NELL2: variants seen among roughly 807,000 people sequenced by gnomAD.
The protein encoded by NELL2 is protein kinase C-binding protein NELL2.
In NELL2, 41 loss-of-function variants were observed where a neutral mutation model predicts 109.6. The ratio of observed to expected loss-of-function variants is 0.37; its 90% CI spans 0.29 to 0.49. The LOEUF is 0.49. Ranked by LOEUF, NELL2 falls within the 20% of genes least tolerant of loss-of-function variation. The pLI is 0.98. For synonymous variants in NELL2, 355 were observed against 344.7 expected, an observed-to-expected ratio of 1.03 and a Z score of -0.33; for missense variants, 900 against 1,008.3, an observed-to-expected ratio of 0.89 and a Z score of 1.45.
chr12:44,617,670 C>A (rs1435779981), intron 13 of NELL2, among the ~76,000 whole-genome samples: 2 of 65,254 alleles, frequency 3.1e-5, no homozygotes, highest in East Asian at 4.0e-4. Flanking sequence ...CCAGCCTGGG[C>A]GACAGAGCGA....
rs772557808 is a variant in NELL2, at chr12:44,532,545, A to G, written c.1804+36T>C. ...ATGATATATTCCTCAAGTTCAAGAG[A>G]AGTTCTTAAATTCTAGGTCTTCTCC... On this transcript the variant is annotated intron_variant, in intron 16 of 19. Transcript: ENST00000429094. The G allele has an allele frequency of 2.5e-6, 4 of 1,593,658 alleles. No homozygotes were observed. The East Asian group carries it at 9.0e-5, about 36-fold the overall frequency.
intron 9 of NELL2, among the ~76,000 whole-genome samples, chr12:44,763,197 C>G (rs1941196043): frequency 6.6e-6 from 1 of 152,154 alleles, no homozygotes; most frequent in Non-Finnish European, 1.5e-5. Flanking sequence ...CCAGCCCACT[C>G]CCTCCCTTCT....
intron 15 of NELL2, among the ~76,000 whole-genome samples, chr12:44,606,390 G>A (rs1012208223): frequency 3.3e-5 from 5 of 152,084 alleles, no homozygotes; most frequent in Admixed American, 1.3e-4. Context: ...TCAATTGCCA[G>A]TGGCAGAAGC....
chr12:44,552,820 A>G (rs561842594), intron 15 of NELL2, among the ~76,000 whole-genome samples: 1 of 152,136 alleles, frequency 6.6e-6, no homozygotes, highest in African/African-American at 2.4e-5. Context: ...TGACTTTCAA[A>G]TTTTATTTTT....
chr12:44,904,953 C>T (rs1408496703), intron 1 of NELL2, among the ~76,000 whole-genome samples: 2 of 151,956 alleles, frequency 1.3e-5, no homozygotes, highest in East Asian at 3.9e-4. Flanking sequence ...GGGCATTGTC[C>T]AGTGAGAGTT....
rs561599694 is a variant in NELL2 at position 44,630,009 on chromosome 12, C to T, written c.1445-19039G>A. 3.3e-5 allele frequency among the ~76,000 whole-genome samples: 5 copies of T among 152,208 alleles called. No individual in the cohort carries two copies. In the East Asian group the frequency reaches 5.8e-4, roughly 18 times the overall value. ...ACTTTGTCCTCTATTACTAATAGCC[C>T]TATTAATCATGTTGAGGTGTTTCAT... On this transcript the variant is annotated intron_variant, in intron 13 of 19. Transcript: ENST00000429094.
intron 3 of NELL2, among the ~76,000 whole-genome samples, chr12:44,813,489 A>G (rs903359499): frequency 2.6e-5 from 4 of 152,176 alleles, no homozygotes; most frequent in African/African-American, 9.7e-5. Context: ...AAATTTCAGA[A>G]ATAATATAAA....
chr12:44,601,071 A>C (rs1235409410), intron 15 of NELL2, among the ~76,000 whole-genome samples: 1 of 152,298 alleles, frequency 6.6e-6, no homozygotes, highest in East Asian at 1.9e-4. Context: ...ATAAAACTGA[A>C]GATCTTATCC....
intron 19 of NELL2, among the ~76,000 whole-genome samples, chr12:44,509,676 G>T (rs1281363882): frequency 6.6e-6 from 1 of 152,198 alleles, no homozygotes; most frequent in Non-Finnish European, 1.5e-5. Context: ...TGGAATGTGA[G>T]AAATGAATTT....
At position 44,816,033 on chromosome 12, in the gene NELL2, G is replaced by A. The variant is rs1197503074; in HGVS notation, c.288C>T (p.Thr96=). ...EFTILVTLKQ[T]HLNSGVILSI... is the part of the protein sequence containing the mutation. Reference sequence around the variant, plus strand: ...AGAGAATAACTCCTGAATTTAAGTGGGTCTGTTTTAGGGTCACCAAAATAG... The same window carrying A: ...AGAGAATAACTCCTGAATTTAAGTGAGTCTGTTTTAGGGTCACCAAAATAG... The change falls in exon 3 of 20, where the codon ACC becomes ACT. Residue 96 remains threonine, a synonymous_variant. Coordinates refer to ENST00000429094, the MANE Select transcript of NELL2 (RefSeq NM_001145108.2). The A allele has an allele frequency of 6.2e-7, 1 of 1,612,498 alleles. No homozygotes were observed. Among genetic ancestry groups the A allele is most frequent in the South Asian group, 1.1e-5 (1 of 90,538 alleles).
intron 15 of NELL2, among the ~76,000 whole-genome samples, chr12:44,539,717 T>G (rs1942462437): frequency 6.6e-6 from 1 of 152,202 alleles, no homozygotes; most frequent in South Asian, 2.1e-4. Context: ...TGAAAATAGT[T>G]TTTATAAATA....
At chr12:44,845,991 A>C (rs1220386032) in intron 2 of NELL2, among the ~76,000 whole-genome samples, 1 of 152,214 alleles carries the variant, frequency 6.6e-6, no homozygotes, top group Non-Finnish European at 1.5e-5. Context: ...TTTACTCCAC[A>C]CTATGGCAGT....
rs748058569 is a variant in NELL2 at position 44,779,765 on chromosome 12, A to G, written c.510-6T>C. 22 of 1,613,758 alleles carry G rather than the reference A, an allele frequency of 1.4e-5. No individual in the cohort carries two copies. The highest frequency in any genetic ancestry group is 1.9e-5 in the Non-Finnish European group (22 of 1,179,810). On this transcript the variant is annotated splice_polypyrimidine_tract_variant and splice_region_variant and intron_variant, in intron 4 of 19. Transcript: ENST00000429094. ...CTACTACCCTTTCATAAATTCTGCA[A>G]AAAAGAAACATCAAAGAAGGAACGT...
At position 44,528,097 on chromosome 12, in the gene NELL2, C is replaced by CAAAAAAAAAAA. The variant is rs71093812; in HGVS notation, c.1804+4473_1804+4483dup. Among the ~76,000 whole-genome samples, 22 of 22,000 alleles carry CAAAAAAAAAAA rather than the reference C, an allele frequency of 1.0e-3. 1 individual carries two copies. The highest frequency in any genetic ancestry group is 1.8e-3 in the African/African-American group (11 of 6,104). 14.4% of individuals were successfully genotyped at this position (22,000 alleles called of 152,430 possible). A position where few individuals can be genotyped will look rare whatever the true frequency, so the allele number is the denominator to read the frequency against. Reference sequence around the variant, plus strand: ...TGGGCGACAGAGCGAGACTCCGTCTCAAAAAAAAAAAAAAAAAAAAAAAAA... The same window carrying CAAAAAAAAAAA: ...TGGGCGACAGAGCGAGACTCCGTCTCAAAAAAAAAAAAAAAAAAAAAAAAAAAAAAAAAAAA... On this transcript the variant is annotated intron_variant, in intron 16 of 19. Transcript: ENST00000429094.
intron 1 of NELL2, among the ~76,000 whole-genome samples, chr12:44,887,094 T>G (rs1945482420): frequency 6.6e-6 from 1 of 152,068 alleles, no homozygotes; most frequent in Admixed American, 6.5e-5. Flanking sequence ...TGCGTATGCC[T>G]TTTTGATATA....
At chr12:44,847,567 G>GAAA (rs5797920) in intron 2 of NELL2, among the ~76,000 whole-genome samples, 38 of 142,942 alleles carry the variant, frequency 2.7e-4, no homozygotes, top group South Asian at 1.6e-3. Flanking sequence ...AGAAATGGGG[G>GAAA]AAAAAAAAAA....
At chr12:44,786,312 A>T (rs1942169035) in intron 3 of NELL2, among the ~76,000 whole-genome samples, 1 of 152,230 alleles carries the variant, frequency 6.6e-6, no homozygotes, top group African/African-American at 2.4e-5. Flanking sequence ...AATGAAAATG[A>T]AAACCACAAT....
chr12:44,877,163 A>AGAGAGG (rs968791926), upstream of NELL2: 1 of 153,000 alleles, frequency 6.5e-6, no homozygotes, highest in Non-Finnish European at 1.5e-5. Flanking sequence ...AGAGAGAGAG[A>AGAGAGG]GAGAAATAAA....
chr12:44,812,696 C>T (rs568615163), intron 3 of NELL2, among the ~76,000 whole-genome samples: 1 of 152,144 alleles, frequency 6.6e-6, no homozygotes, highest in South Asian at 2.1e-4. Flanking sequence ...CCAATACAAG[C>T]CATAACAGAA....
Sources: allele counts gnomAD v4.1 joint callset (sites outside exome capture counted in the v4.1 genomes callset), GRCh38; gene constraint gnomAD v4.1.1; transcripts MANE v1.5; gene names NCBI Gene and HGNC (gene_info 2026-07-23, HGNC 2026-07-21).